The following FKBP5 variants were observed in gnomAD, a reference collection of about 807,000 sequenced individuals.
FKBP5 encodes FKBP prolyl isomerase 5, also known as peptidyl-prolyl cis-trans isomerase FKBP5.
FKBP5 carries 23 observed loss-of-function variants against 50.5 expected under a neutral mutation model. The observed-to-expected ratio is 0.46, with a 90% CI of 0.33 to 0.65. The LOEUF (loss-of-function observed/expected upper bound fraction) is 0.65. Among genes scored for constraint, FKBP5 ranks in the 30% least tolerant of loss-of-function variants. FKBP5 has a pLI of 0.02. For synonymous variants in FKBP5, 176 were observed against 190.6 expected (o/e 0.92, Z 0.63); for missense variants, 411 against 553.1 (o/e 0.74, Z 2.58).
rs746269653 is a variant in FKBP5 at position 35,597,383 on chromosome 6, C to T, written c.530G>A (p.Gly177Asp). The T allele has an allele frequency of 6.2e-7, 1 of 1,613,930 alleles. No individual in the cohort carries two copies. Among genetic ancestry groups the T allele is most frequent in the Non-Finnish European group, 8.5e-7 (1 of 1,179,954 alleles). The change falls in exon 6 of 11, where the codon GGT becomes GAT. Residue 177 changes from glycine (G) to aspartate (D), a missense_variant. Around this residue, in one of 3 missense-constraint regions of FKBP5, gnomAD observed 267 missense variants for 405.9 expected, o/e 0.66. Transcript: ENST00000357266. ...TVEIHLEGRC[G>D]GRMFDCRDVA... ...ATCTCTGCAGTCAAACATCCTTCCA[C>T]CACAGCGGCCTTCCAGGTGGACTGA...
chr6:35,584,617 A>G, intron 8 of FKBP5: 1 of 985,482 alleles, frequency 1.0e-6, no homozygotes, highest in Middle Eastern at 5.2e-4. Context: ...AGCTAACGCT[A>G]GGACTACTGC....
chr6:35,683,180 T>A (rs1581881126), intron 1 of FKBP5, among the ~76,000 whole-genome samples: 1 of 103,446 alleles, frequency 9.7e-6, no homozygotes, highest in African/African-American at 3.7e-5. Flanking sequence ...GTGTGTGTAT[T>A]TGAGACTGGG....
chr6:35,631,860 C>CA (rs1156691169), intron 3 of FKBP5, among the ~76,000 whole-genome samples: 1 of 145,406 alleles, frequency 6.9e-6, no homozygotes, highest in Non-Finnish European at 1.5e-5. Context: ...GAGGCTGAGG[C>CA]AAGAGAATCG....
intron 1 of FKBP5, among the ~76,000 whole-genome samples, chr6:35,675,002 A>G (rs1765488251): frequency 6.6e-6 from 1 of 152,240 alleles, no homozygotes; most frequent in Admixed American, 6.5e-5. Context: ...CTTAATAAAT[A>G]TCTGGAACAC....
chr6:35,625,880 C>T (rs952411670), intron 3 of FKBP5, among the ~76,000 whole-genome samples: 2 of 151,086 alleles, frequency 1.3e-5, no homozygotes, highest in Non-Finnish European at 2.9e-5. Context: ...CCCGGGTTCA[C>T]GCCATTCTCC....
At chr6:35,628,341 G>A (rs548951497) in intron 3 of FKBP5, among the ~76,000 whole-genome samples, 2 of 152,126 alleles carry the variant, frequency 1.3e-5, no homozygotes, top group East Asian at 3.9e-4. Flanking sequence ...CACACTATAG[G>A]ATGAAAGCTA....
chr6:35,601,852 TAAAC>T (rs1763155242), intron 5 of FKBP5, among the ~76,000 whole-genome samples: 1 of 151,978 alleles, frequency 6.6e-6, no homozygotes, highest in Non-Finnish European at 1.5e-5. Context: ...GAGAAAGAAA[TAAAC>T]AAGTTAAAAA....
chr6:35,725,373 A>G (rs545075839), intron 1 of FKBP5, among the ~76,000 whole-genome samples: 1 of 152,302 alleles, frequency 6.6e-6, no homozygotes, highest in African/African-American at 2.4e-5. Context: ...GGGCTCAGGA[A>G]TATTGCTAAA....
At chr6:35,720,863 G>T (rs1027661685) in intron 1 of FKBP5, among the ~76,000 whole-genome samples, 2 of 152,134 alleles carry the variant, frequency 1.3e-5, no homozygotes, top group Admixed American at 1.3e-4. Flanking sequence ...TGATGTGGAT[G>T]ATCTCATTTA....
At chr6:35,621,910 TC>T (rs1488962526) in intron 3 of FKBP5, among the ~76,000 whole-genome samples, 5 of 147,514 alleles carry the variant, frequency 3.4e-5, no homozygotes, top group Non-Finnish European at 7.5e-5. Flanking sequence ...GTCCAGGAGG[TC>T]AAGGCTGCAG....
chr6:35,596,381 C>G (rs1340228637), intron 6 of FKBP5, among the ~76,000 whole-genome samples: 1 of 151,938 alleles, frequency 6.6e-6, no homozygotes, highest in African/African-American at 2.4e-5. Flanking sequence ...GATTATGGAT[C>G]AAGTGCTGGG....
intron 3 of FKBP5, among the ~76,000 whole-genome samples, chr6:35,627,183 G>A (rs1393048272): frequency 6.6e-6 from 1 of 152,152 alleles, no homozygotes. Flanking sequence ...TAACCGGTAT[G>A]AGGGTAATAC....
intron 6 of FKBP5, among the ~76,000 whole-genome samples, chr6:35,593,776 A>G (rs1762893579): frequency 6.6e-6 from 1 of 151,870 alleles, no homozygotes; most frequent in Non-Finnish European, 1.5e-5. Flanking sequence ...GCTGGTCGCG[A>G]ACTCCTGACC....
intron 8 of FKBP5, chr6:35,583,679 C>T (rs1330049849): frequency 2.2e-6 from 2 of 900,956 alleles, no homozygotes; most frequent in African/African-American, 3.6e-5. Context: ...AGGAATGCTG[C>T]TAAATATTCT....
At chr6:35,709,337 C>T (rs1766376789) in intron 2 of FKBP5, among the ~76,000 whole-genome samples, 2 of 152,176 alleles carry the variant, frequency 1.3e-5, no homozygotes, top group South Asian at 4.1e-4. Context: ...AACCATATCA[C>T]ATATAATGAT....
intron 1 of FKBP5, among the ~76,000 whole-genome samples, chr6:35,680,173 G>A (rs1765629266): frequency 3.9e-5 from 6 of 151,924 alleles, no homozygotes; most frequent in Admixed American, 3.9e-4. Context: ...GCTTATACCT[G>A]CAGTCCTAAC....
intron 3 of FKBP5, among the ~76,000 whole-genome samples, chr6:35,635,315 C>T (rs1764278561): frequency 6.6e-6 from 1 of 152,124 alleles, no homozygotes; most frequent in Non-Finnish European, 1.5e-5. Context: ...CCAGCCTGGG[C>T]AACAGAGCGA....
rs200951563 is a variant in FKBP5, at chr6:35,650,401, G to GA, written c.-19-7559dup. 2.2e-3 allele frequency among the ~76,000 whole-genome samples: 310 copies of GA among 138,218 alleles called. 2 individuals carry two copies. Among genetic ancestry groups the GA allele is most frequent in the Non-Finnish European group, 3.1e-3 (198 of 63,538 alleles). 90.7% of individuals were successfully genotyped at this position (138,218 alleles called of 152,430 possible). A position where few individuals can be genotyped will look rare whatever the true frequency, so the allele number is the denominator to read the frequency against. On this transcript the variant is annotated intron_variant, in intron 1 of 10. Coordinates refer to ENST00000357266, the MANE Select transcript of FKBP5 (RefSeq NM_004117.4). ...TGATGATTTGGTTATCTGGACCATT[G>GA]AAAAAAAAAAAAGTCAGTTGATGAT...
chr6:35,703,107 G>A (rs952705338), intron 2 of FKBP5, among the ~76,000 whole-genome samples: 3 of 152,060 alleles, frequency 2.0e-5, no homozygotes, highest in South Asian at 2.1e-4. Flanking sequence ...AAAATTAGCT[G>A]GGTGTGATGG....
Sources: gnomAD v4.1 joint callset for allele counts (sites outside exome capture counted in the v4.1 genomes callset) on GRCh38, gnomAD v4.1.1 for gene constraint, gnomAD v4.1.1 regional missense constraint, MANE v1.5 for transcripts, NCBI Gene and HGNC (gene_info 2026-07-23, HGNC 2026-07-21) for gene names.